ZC2HC1A: variants seen among roughly 807,000 people sequenced by gnomAD.
ZC2HC1A encodes zinc finger C2HC domain-containing protein 1A.
ZC2HC1A carries 28 observed loss-of-function variants against 40.7 expected under a neutral mutation model. The observed-to-expected ratio is 0.69, with a 90% CI of 0.51 to 0.94. The LOEUF (loss-of-function observed/expected upper bound fraction) is 0.94. Among genes scored for constraint, ZC2HC1A ranks in the 40% least tolerant of loss-of-function variants. The pLI is 0.00. For missense variants in ZC2HC1A, 389 were observed against 386.3 expected (o/e 1.01, Z -0.06); for synonymous variants, 129 against 129.2 (o/e 1.00, Z 0.01).
Position 78,675,741 on chromosome 8 carries a change from A to C in ZC2HC1A, c.17-46A>C, listed in dbSNP as rs749258946. 3.4e-6 allele frequency: 5 copies of C among 1,483,344 alleles called. 1 individual carries two copies. In the Admixed American group the frequency reaches 5.7e-5, roughly 17 times the overall value. 91.9% of individuals were successfully genotyped at this position (1,483,344 alleles called of 1,614,324 possible). On this transcript the variant is annotated intron_variant, in intron 1 of 8. Transcript: ENST00000263849. ...AAAACATTAAAATGTGAAGTTTCAC[A>C]ATTTCAAGTTATATAAATTATTTAT...
chr8:78,666,736 T>C (rs1282543516), intron 1 of ZC2HC1A, among the ~76,000 whole-genome samples: 1 of 152,184 alleles, frequency 6.6e-6, no homozygotes, highest in Non-Finnish European at 1.5e-5. Flanking sequence ...GTACAATAGA[T>C]TACCCGGAGG....
At chr8:78,692,214 T>G (rs1332339084) in intron 5 of ZC2HC1A, among the ~76,000 whole-genome samples, 1 of 152,296 alleles carries the variant, frequency 6.6e-6, no homozygotes, top group African/African-American at 2.4e-5. Flanking sequence ...CCCTTTAGCC[T>G]CTGGTACTAC....
intron 7 of ZC2HC1A, among the ~76,000 whole-genome samples, chr8:78,701,216 T>G (rs2130561303): frequency 6.6e-6 from 1 of 152,336 alleles, no homozygotes; most frequent in Non-Finnish European, 1.5e-5. Context: ...ACCTCCCCAG[T>G]TACCTGTATT....
At chr8:78,705,944 G>T (rs2130581179) in intron 7 of ZC2HC1A, among the ~76,000 whole-genome samples, 2 of 152,294 alleles carry the variant, frequency 1.3e-5, no homozygotes, top group South Asian at 4.2e-4. Context: ...GAGAATACCA[G>T]CAGGGATGGT....
chr8:78,694,925 A>G (rs1391038973), intron 5 of ZC2HC1A, among the ~76,000 whole-genome samples: 1 of 152,192 alleles, frequency 6.6e-6, no homozygotes, highest in Admixed American at 6.5e-5. Context: ...GTTGGTTGAT[A>G]GAGTCATTCT....
intron 1 of ZC2HC1A, among the ~76,000 whole-genome samples, chr8:78,672,763 C>T (rs1809470390): frequency 6.6e-6 from 1 of 152,046 alleles, no homozygotes; most frequent in South Asian, 2.1e-4. Context: ...CTCTTAAGCC[C>T]ATTTTAATTG....
intron 7 of ZC2HC1A, among the ~76,000 whole-genome samples, chr8:78,711,127 T>C (rs1055543893): frequency 6.6e-6 from 1 of 152,128 alleles, no homozygotes; most frequent in Non-Finnish European, 1.5e-5. Flanking sequence ...TGAGCAAATA[T>C]CTCTTAAAAA....
intron 1 of ZC2HC1A, among the ~76,000 whole-genome samples, chr8:78,673,475 C>T (rs1158742006): frequency 1.3e-5 from 2 of 152,116 alleles, no homozygotes; most frequent in Non-Finnish European, 2.9e-5. Context: ...GTTCTAGATC[C>T]TTGAAGAATC....
chr8:78,710,557 A>G lies in ZC2HC1A; in HGVS notation c.705-4664A>G, dbSNP rs145507966. Among the ~76,000 whole-genome samples, 182 of 152,186 alleles carry G rather than the reference A, an allele frequency of 1.2e-3. 2 individuals carry two copies. The highest frequency in any genetic ancestry group is 5.0e-3 in the South Asian group (24 of 4,820). ...GAATATGTTTTTAAAATATAGTCAA[A>G]AATTTTCTAAATTTTAATTTCAGGA... is the stretch of plus-strand genomic sequence containing the variant. On this transcript the variant is annotated intron_variant, in intron 7 of 8. Transcript: ENST00000263849.
chr8:78,689,506 C>G (rs1810139942), intron 5 of ZC2HC1A, 133 bp downstream of exon 5: 3 of 780,672 alleles, frequency 3.8e-6, no homozygotes, highest in Non-Finnish European at 5.4e-6. Flanking sequence ...TTTTATATAT[C>G]TATAAAAGTT....
rs1810463402 is a variant in ZC2HC1A, at chr8:78,697,499, T to C, written c.597T>C (p.Thr199=). Residue 199 remains threonine (T), a synonymous_variant, in exon 6 of 9, where the codon ACT becomes ACC. Transcript: ENST00000263849. ...RLPQPSGAGK[T]VVGVPSGKVS... ...CGCAGCCAAGTGGCGCTGGCAAAAC[T>C]GTTGTAGGTAATGATAGCCGAAAAG... 1 of 1,605,878 alleles carries C rather than the reference T, an allele frequency of 6.2e-7. No individual in the cohort carries two copies.
At chr8:78,700,762 T>G (rs1157941652) in intron 7 of ZC2HC1A, among the ~76,000 whole-genome samples, 1 of 152,234 alleles carries the variant, frequency 6.6e-6, no homozygotes, top group Non-Finnish European at 1.5e-5. Flanking sequence ...AAATAGGGAA[T>G]CCTTTTTCCA....
At chr8:78,669,164 C>A (rs559503312) in intron 1 of ZC2HC1A, among the ~76,000 whole-genome samples, 1 of 151,908 alleles carries the variant, frequency 6.6e-6, no homozygotes, top group East Asian at 1.9e-4. Flanking sequence ...CTAGCATTTA[C>A]TGCTTTTTGG....
intron 8 of ZC2HC1A, among the ~76,000 whole-genome samples, chr8:78,715,896 C>T (rs536606434): frequency 1.2e-3 from 184 of 151,374 alleles, no homozygotes; most frequent in Non-Finnish European, 2.0e-3. Context: ...AAAAATTAGC[C>T]GGTTGTGGTG....
intron 5 of ZC2HC1A, among the ~76,000 whole-genome samples, chr8:78,695,159 C>A (rs768475190): frequency 1.3e-5 from 2 of 152,072 alleles, no homozygotes; most frequent in South Asian, 2.1e-4. Context: ...CTGACTAGTT[C>A]TTGTCTAAAG....
intron 5 of ZC2HC1A, among the ~76,000 whole-genome samples, chr8:78,696,280 T>C (rs1036360654): frequency 7.2e-5 from 11 of 152,274 alleles, no homozygotes; most frequent in African/African-American, 2.6e-4. Context: ...GTGATCCACC[T>C]GCCTCGGCCT....
Position 78,718,955 on chromosome 8 carries a change from T to C in ZC2HC1A, c.*1462T>C, listed in dbSNP as rs916159951. On this transcript the variant is annotated 3_prime_UTR_variant, in exon 9 of 9. Transcript: ENST00000263849. Reference sequence around the variant, plus strand: ...ATAATTTATCTGAAATTTATTAGCTTAGTTTAGTTTGGGCAGGAGTTACAA... The same window carrying C: ...ATAATTTATCTGAAATTTATTAGCTCAGTTTAGTTTGGGCAGGAGTTACAA... 3 of 151,794 alleles carry C rather than the reference T, an allele frequency of 2.0e-5. No individual in the cohort carries two copies. Among genetic ancestry groups the C allele is most frequent in the African/African-American group, 7.2e-5 (3 of 41,452 alleles). The allele number at this position is 151,794 out of a possible 1,614,324, so 9.4% of individuals were successfully genotyped here.
At chr8:78,684,896 G>A (rs1346751952) in intron 3 of ZC2HC1A, among the ~76,000 whole-genome samples, 5 of 152,068 alleles carry the variant, frequency 3.3e-5, no homozygotes, top group Admixed American at 1.3e-4. Flanking sequence ...TCTTGTATAG[G>A]TAGACTCGAC....
intron 7 of ZC2HC1A, among the ~76,000 whole-genome samples, chr8:78,705,413 G>T (rs1810740929): frequency 6.6e-6 from 1 of 152,160 alleles, no homozygotes; most frequent in African/African-American, 2.4e-5. Context: ...ACCAGTGAAG[G>T]CTACAAATCA....
Sources: allele counts gnomAD v4.1 joint callset (sites outside exome capture counted in the v4.1 genomes callset), GRCh38; gene constraint gnomAD v4.1.1; transcripts MANE v1.5; gene names NCBI Gene and HGNC (gene_info 2026-07-23, HGNC 2026-07-21).